The following PANK2 variants were observed in gnomAD, a reference collection of about 807,000 sequenced individuals.
PANK2 encodes pantothenate kinase 2, mitochondrial.
In PANK2, 36 loss-of-function variants were observed where a neutral mutation model predicts 43.1. The ratio of observed to expected loss-of-function variants is 0.84; its 90% CI spans 0.64 to 1.10. The LOEUF (loss-of-function observed/expected upper bound fraction) is 1.10, where lower values mean the gene tolerates loss of function less well. Among genes scored for constraint, PANK2 ranks in the 50% least tolerant of loss-of-function variants. PANK2 has a pLI of 0.00. For synonymous variants in PANK2, 281 were observed against 238.2 expected (o/e 1.18, Z -1.66); for missense variants, 576 against 593.3 (o/e 0.97, Z 0.30).
chr20:3,892,409 C>A (rs1317676110), intron 1 of PANK2, among the ~76,000 whole-genome samples: 1 of 151,548 alleles, frequency 6.6e-6, no homozygotes, highest in Non-Finnish European at 1.5e-5. Context: ...ATACTTCAGT[C>A]TTATCTCTGA....
intron 1 of PANK2, chr20:3,901,496 A>G (rs1436822106): frequency 1.9e-6 from 1 of 535,224 alleles, no homozygotes; most frequent in African/African-American, 2.1e-5. Context: ...TCACTTCTAT[A>G]TTCTTGTGTA....
chr20:3,913,424 A>AC (rs1295709955), intron 4 of PANK2, among the ~76,000 whole-genome samples: 3 of 151,094 alleles, frequency 2.0e-5, no homozygotes. Flanking sequence ...GCTCACCACA[A>AC]CCCCCACCTC....
rs540202381 is a variant in PANK2 at position 3,895,595 on chromosome 20, T to C, written c.298+5867T>C. On this transcript the variant is annotated intron_variant, in intron 1 of 6. Transcript: ENST00000610179. Reference sequence around the variant, plus strand: ...CAATGAAAAGAATGGCTATTTTGATTATTTAAAAGAGCGGTGATGTTTTTT... The same window carrying C: ...CAATGAAAAGAATGGCTATTTTGATCATTTAAAAGAGCGGTGATGTTTTTT... 1.7e-3 allele frequency among the ~76,000 whole-genome samples: 253 copies of C among 151,942 alleles called. 1 individual carries two copies. Among genetic ancestry groups the C allele is most frequent in the African/African-American group, 5.7e-3 (238 of 41,430 alleles).
At chr20:3,922,680 C>T (rs2090664716) in intron 6 of PANK2, among the ~76,000 whole-genome samples, 1 of 152,152 alleles carries the variant, frequency 6.6e-6, no homozygotes, top group East Asian at 1.9e-4. Context: ...CCTCTTACTC[C>T]TGTGTCCCCT....
At chr20:3,892,673 C>CAA (rs763721845) in intron 1 of PANK2, among the ~76,000 whole-genome samples, 58,035 of 103,900 alleles carry the variant, frequency 0.56, 15,551 homozygotes, top group Non-Finnish European at 0.62. Context: ...GACTCTGTCT[C>CAA]AAAAAAAAAA....
intron 1 of PANK2, among the ~76,000 whole-genome samples, chr20:3,899,154 G>T (rs1198505520): frequency 6.7e-6 from 1 of 150,350 alleles, no homozygotes; most frequent in African/African-American, 2.4e-5. Context: ...GATTACAGGC[G>T]TGAGCCACCG....
At chr20:3,904,690 G>C (rs2146850681) in intron 1 of PANK2, among the ~76,000 whole-genome samples, 1 of 152,222 alleles carries the variant, frequency 6.6e-6, no homozygotes, top group East Asian at 1.9e-4. Context: ...CACACATCTG[G>C]CAATCGTTTT....
At chr20:3,914,871 A>G (rs1170605480) in intron 4 of PANK2, among the ~76,000 whole-genome samples, 2 of 152,194 alleles carry the variant, frequency 1.3e-5, no homozygotes, top group African/African-American at 4.8e-5. Flanking sequence ...TGGCCTCCCA[A>G]AGTGCTGGGA....
Position 3,914,032 on chromosome 20 carries a change from G to A in PANK2, c.1082+1398G>A, listed in dbSNP as rs192203378. ...TCTCGATCTGCTGACCTCATGATCC[G>A]CCCGCCTTGGCCTCCCAAAGTGCTG... On this transcript the variant is annotated intron_variant, in intron 4 of 6. Transcript: ENST00000610179. Among the ~76,000 whole-genome samples the A allele has an allele frequency of 7.6e-4, 114 of 150,536 alleles. 1 individual carries two copies. The highest frequency in any genetic ancestry group is 1.7e-3 in the African/African-American group (70 of 41,050).
At chr20:3,919,963 G>A (rs1041410815) in intron 6 of PANK2, among the ~76,000 whole-genome samples, 1 of 152,100 alleles carries the variant, frequency 6.6e-6, no homozygotes, top group Non-Finnish European at 1.5e-5. Context: ...ATATCAAAAA[G>A]CTTAAAATTG....
intron 6 of PANK2, among the ~76,000 whole-genome samples, chr20:3,920,026 C>T (rs1051662904): frequency 1.3e-5 from 2 of 152,154 alleles, no homozygotes; most frequent in Non-Finnish European, 2.9e-5. Context: ...TGTAAACCAG[C>T]ACCGAATTGC....
In PANK2 at chr20:3,921,194, T is replaced by TC. The variant is rs557920718; in HGVS notation, c.1333-2044dup. On this transcript the variant is annotated intron_variant, in intron 6 of 6. Transcript: ENST00000610179. ...TAAGTATATCTCCTAATGCTATCCC[T>TC]CCCCCCTCCCCCCACCCCATGGCAG... 48 of 140,820 alleles carry TC rather than the reference T, an allele frequency of 3.4e-4. 1 individual carries two copies. Among genetic ancestry groups the TC allele is most frequent in the African/African-American group, 1.0e-3 (40 of 38,736 alleles). 8.7% of individuals were successfully genotyped at this position (140,820 alleles called of 1,614,324 possible).
Position 3,915,115 on chromosome 20 carries a change from T to G in PANK2, c.1083-1812T>G, listed in dbSNP as rs141185769. On this transcript the variant is annotated intron_variant, in intron 4 of 6. Transcript: ENST00000610179. ...TTCCTTGATGGTGTCCTTTGCAGCA[T>G]GGAAATTTTAAATTTTGATGAAGTT... 2.6e-4 allele frequency among the ~76,000 whole-genome samples: 39 copies of G among 152,310 alleles called. No individual in the cohort carries two copies. In the East Asian group the frequency reaches 7.1e-3, roughly 28 times the overall value.
intron 6 of PANK2, chr20:3,921,997 C>G (rs2090654619): frequency 6.6e-6 from 1 of 152,260 alleles, no homozygotes; most frequent in Non-Finnish European, 1.5e-5. Flanking sequence ...CTGTGAGCCA[C>G]TGCGCCCAGC....
chr20:3,895,312 CA>C (rs2090188088), intron 1 of PANK2, among the ~76,000 whole-genome samples: 1 of 151,486 alleles, frequency 6.6e-6, no homozygotes, highest in Non-Finnish European at 1.5e-5. Flanking sequence ...TAATAATAAA[CA>C]AATTAGCAGA....
upstream of PANK2, chr20:3,889,316 C>T: frequency 6.3e-7 from 1 of 1,595,362 alleles, no homozygotes; most frequent in Non-Finnish European, 8.5e-7. Flanking sequence ...TTGGGCCGTC[C>T]CCAGCCTCGT....
intron 1 of PANK2, among the ~76,000 whole-genome samples, chr20:3,900,156 T>G (rs2146837670): frequency 1.3e-5 from 2 of 152,086 alleles, no homozygotes; most frequent in Middle Eastern, 6.8e-3. Flanking sequence ...GCATTTATTT[T>G]AGTCATTTAA....
intron 6 of PANK2, 80 bp from the exon 7 acceptor site, chr20:3,923,164 T>G (rs986268175): frequency 2.6e-6 from 4 of 1,517,722 alleles, no homozygotes; most frequent in Non-Finnish European, 3.7e-6. Context: ...GTGGTTGGCT[T>G]TAACACTAGT....
rs2090454701 is a variant in PANK2, at chr20:3,910,656, T to G, written c.731T>G (p.Phe244Cys). The change falls in exon 3 of 7, where the codon TTC becomes TGC. Residue 244 changes from phenylalanine to cysteine, a missense_variant. Phe to Cys is a radical substitution (Grantham distance 205). Around this residue, in one of 2 missense-constraint regions of PANK2, gnomAD observed 544 missense variants for 528.9 expected, o/e 1.03. Transcript: ENST00000610179. ...ATTTTATACATTGACTCAGTCGGAT[T>G]CAATGGACGGTCACAGTGCTATTAC... The G allele has an allele frequency of 1.2e-6, 2 of 1,614,084 alleles. No individual in the cohort carries two copies. Among genetic ancestry groups the G allele is most frequent in the Non-Finnish European group, 1.7e-6 (2 of 1,180,048 alleles).
Sources: gnomAD v4.1 joint callset for allele counts (sites outside exome capture counted in the v4.1 genomes callset) on GRCh38, gnomAD v4.1.1 for gene constraint, gnomAD v4.1.1 regional missense constraint, MANE v1.5 for transcripts, NCBI Gene and HGNC (gene_info 2026-07-23, HGNC 2026-07-21) for gene names.